The following DENR variants were observed in gnomAD, a reference collection of about 807,000 sequenced individuals.
The protein encoded by DENR is density-regulated protein.
Under a neutral mutation model 30.6 loss-of-function variants are expected in DENR, and 6 were observed. That is an observed-to-expected ratio of 0.20 (90% CI 0.11 to 0.39). DENR has a LOEUF of 0.39. Ranked by LOEUF, DENR falls within the 10% of genes least tolerant of loss-of-function variation. DENR has a pLI of 1.00. For synonymous variants in DENR, 78 were observed against 72.1 expected (o/e 1.08, Z -0.41); for missense variants, 141 against 230.9 (o/e 0.61, Z 2.52).
chr12:122,766,696 C>T (rs1032452485), intron 5 of DENR, among the ~76,000 whole-genome samples: 5 of 152,168 alleles, frequency 3.3e-5, no homozygotes, highest in African/African-American at 1.2e-4. Flanking sequence ...CCCTGAGAAC[C>T]ATCTTACATT....
At chr12:122,761,614 G>A (rs1227615798) in intron 2 of DENR, among the ~76,000 whole-genome samples, 1 of 152,198 alleles carries the variant, frequency 6.6e-6, no homozygotes, top group African/African-American at 2.4e-5. Context: ...AAGCCCAGAA[G>A]TTTGAGACTA....
intron 5 of DENR, among the ~76,000 whole-genome samples, chr12:122,767,269 G>A (rs1462776277): frequency 6.6e-6 from 1 of 152,312 alleles, no homozygotes; most frequent in Non-Finnish European, 1.5e-5. Context: ...GGAGGGCAGG[G>A]GCTATGTTCT....
At chr12:122,768,973 G>C (rs1236481108) in intron 7 of DENR, 52 bp downstream of exon 7, 12 of 1,605,034 alleles carry the variant, frequency 7.5e-6, no homozygotes, top group Non-Finnish European at 1.0e-5. Context: ...AAAGCAAATT[G>C]CTTCCATTTT....
rs1879020961 is a variant in DENR at position 122,770,931 on chromosome 12, C to G, written c.*1853C>G. Reference sequence around the variant, plus strand: ...TTGCTGCTGAAAGATGTCTGTGTGCCTGTATCAACATGTGACTTCATGTAA... The same window carrying G: ...TTGCTGCTGAAAGATGTCTGTGTGCGTGTATCAACATGTGACTTCATGTAA... On this transcript the variant is annotated 3_prime_UTR_variant, in exon 8 of 8. Transcript: ENST00000280557. 5.1e-6 allele frequency: 2 copies of G among 391,674 alleles called. No homozygotes were observed. The highest frequency in any genetic ancestry group is 7.2e-5 in the East Asian group (2 of 27,674). The allele number at this position is 391,674 out of a possible 1,614,324, so 24.3% of individuals were successfully genotyped here. A position where few individuals can be genotyped will look rare whatever the true frequency, so the allele number is the denominator to read the frequency against.
intron 2 of DENR, among the ~76,000 whole-genome samples, chr12:122,760,899 ATGT>A (rs1878681442): frequency 6.6e-6 from 1 of 152,166 alleles, no homozygotes; most frequent in African/African-American, 2.4e-5. Context: ...TCATGATCTT[ATGT>A]AGCATAACAT....
At chr12:122,765,274 C>T (rs2135511991) in intron 4 of DENR, 30 bp from the exon 5 acceptor site, 2 of 1,520,222 alleles carry the variant, frequency 1.3e-6, no homozygotes, top group Non-Finnish European at 1.8e-6. Flanking sequence ...AGATGATGTT[C>T]ATGCTTTTGT....
rs766587962 is a variant in DENR at position 122,769,125 on chromosome 12, T to C, written c.*47T>C. The C allele has an allele frequency of 5.7e-6, 9 of 1,574,796 alleles. 1 individual carries two copies. In the South Asian group the frequency reaches 6.0e-5, roughly 10 times the overall value. ...TAATGGCCTGAACTGAGAGTTGATATGGCCAAAGGGAGAGAGGCCTTTTAA... is the reference window on the plus strand; with the variant it reads ...TAATGGCCTGAACTGAGAGTTGATACGGCCAAAGGGAGAGAGGCCTTTTAA... On this transcript the variant is annotated 3_prime_UTR_variant, in exon 8 of 8. Transcript: ENST00000280557.
rs577445234 is a variant in DENR at position 122,768,471 on chromosome 12, C to T, written c.413-311C>T. Among the ~76,000 whole-genome samples the T allele has an allele frequency of 8.6e-5, 13 of 151,644 alleles. No individual in the cohort carries two copies. The South Asian group carries it at 2.7e-3, about 31-fold the overall frequency. ...CAAGATCGAGCCACTGCACTCCAGT[C>T]TGGGCAACAGAGCAAGACTCCGTCT... On this transcript the variant is annotated intron_variant, in intron 6 of 7. Coordinates refer to ENST00000280557, the MANE Select transcript of DENR (RefSeq NM_003677.5).
At chr12:122,758,728 C>G (rs1878615183) in intron 2 of DENR, among the ~76,000 whole-genome samples, 1 of 152,010 alleles carries the variant, frequency 6.6e-6, no homozygotes, top group Non-Finnish European at 1.5e-5. Flanking sequence ...ACACTTAAGC[C>G]CAGGAGTTCA....
chr12:122,764,494 G>A lies in DENR; in HGVS notation c.212-810G>A, dbSNP rs1593763172. On this transcript the variant is annotated intron_variant, in intron 4 of 7. Coordinates refer to ENST00000280557, the MANE Select transcript of DENR (RefSeq NM_003677.5). Reference sequence around the variant, plus strand: ...GGCGCCTGTAGTCCCAGCTACTTTGGGAGGCTGAGGCAGGAGAATGGCGTG... The same window carrying A: ...GGCGCCTGTAGTCCCAGCTACTTTGAGAGGCTGAGGCAGGAGAATGGCGTG... Among the ~76,000 whole-genome samples, 5 of 152,280 alleles carry A rather than the reference G, an allele frequency of 3.3e-5. No individual in the cohort carries two copies. In the East Asian group the frequency reaches 7.7e-4, roughly 23 times the overall value.
intron 5 of DENR, among the ~76,000 whole-genome samples, chr12:122,766,468 A>G (rs917783048): frequency 6.6e-6 from 1 of 152,172 alleles, no homozygotes; most frequent in Non-Finnish European, 1.5e-5. Flanking sequence ...TCACATCCCT[A>G]ACTTCTGCTG....
intron 4 of DENR, among the ~76,000 whole-genome samples, chr12:122,764,805 C>T (rs1878804736): frequency 6.6e-6 from 1 of 152,190 alleles, no homozygotes; most frequent in Non-Finnish European, 1.5e-5. Flanking sequence ...CAAGTGATTT[C>T]CCTGACACAC....
chr12:122,766,987 T>C (rs180837402), intron 5 of DENR, among the ~76,000 whole-genome samples: 1 of 152,318 alleles, frequency 6.6e-6, no homozygotes, highest in Admixed American at 6.5e-5. Context: ...TTCCCAAATA[T>C]AACGCCTTTT....
At chr12:122,759,349 G>T (rs1421483450) in intron 2 of DENR, among the ~76,000 whole-genome samples, 2 of 152,166 alleles carry the variant, frequency 1.3e-5, no homozygotes, top group African/African-American at 4.8e-5. Flanking sequence ...TCTGTAAAGA[G>T]AAATTGACTT....
chr12:122,764,471 C>T (rs899884078), intron 4 of DENR, among the ~76,000 whole-genome samples: 1 of 151,980 alleles, frequency 6.6e-6, no homozygotes, highest in Non-Finnish European at 1.5e-5. Flanking sequence ...AGGTGGCGGG[C>T]GCCTGTAGTC....
At chr12:122,763,850 A>T (rs1343648255) in intron 4 of DENR, among the ~76,000 whole-genome samples, 1 of 152,244 alleles carries the variant, frequency 6.6e-6, no homozygotes, top group African/African-American at 2.4e-5. Flanking sequence ...CATTCTAGAA[A>T]GGGAGACAGA....
At position 122,770,905 on chromosome 12, in the gene DENR, G is replaced by A; in HGVS notation, c.*1827G>A. 1 of 394,254 alleles carries A rather than the reference G, an allele frequency of 2.5e-6. No homozygotes were observed. Among genetic ancestry groups the A allele is most frequent in the Non-Finnish European group, 4.5e-6 (1 of 224,030 alleles). 24.4% of individuals were successfully genotyped at this position (394,254 alleles called of 1,614,324 possible). The stretch of plus-strand genomic sequence containing the variant: ...CTGGTATGCGTTATGTATGTAGTCT[G>A]TTGCTGCTGAAAGATGTCTGTGTGC... On this transcript the variant is annotated 3_prime_UTR_variant, in exon 8 of 8. Coordinates refer to ENST00000280557, the MANE Select transcript of DENR (RefSeq NM_003677.5).
Position 122,762,890 on chromosome 12 carries a change from GAGA to G in DENR, c.177_179del (p.Lys59del). On this transcript the variant is annotated inframe_deletion, in exon 4 of 8. Coordinates refer to ENST00000280557, the MANE Select transcript of DENR (RefSeq NM_003677.5). ...TGTTGCTAAATGTAGACAATGGTTA[GAGA>G]AGAATTTTCCAAATGAATTTGCAAA... 6.5e-7 allele frequency: 1 copy of G among 1,549,948 alleles called. No homozygotes were observed. The highest frequency in any genetic ancestry group is 8.7e-7 in the Non-Finnish European group (1 of 1,146,554).
At position 122,769,589 on chromosome 12, in the gene DENR, C is replaced by A. The variant is rs1315495376; in HGVS notation, c.*511C>A. The A allele has an allele frequency of 1.8e-6, 1 of 570,446 alleles. No homozygotes were observed. Among genetic ancestry groups the A allele is most frequent in the South Asian group, 4.4e-5 (1 of 22,504 alleles). 35.3% of individuals were successfully genotyped at this position (570,446 alleles called of 1,614,324 possible). A position where few individuals can be genotyped will look rare whatever the true frequency, so the allele number is the denominator to read the frequency against. ...TGGTGCGATCTCGGCTCACTGCAACCTCCGCCTCCCGGGTTCAAGTGATTC... is the reference window on the plus strand; with the variant it reads ...TGGTGCGATCTCGGCTCACTGCAACATCCGCCTCCCGGGTTCAAGTGATTC... On this transcript the variant is annotated 3_prime_UTR_variant, in exon 8 of 8. Transcript: ENST00000280557.
Sources: gnomAD v4.1 joint callset for allele counts (sites outside exome capture counted in the v4.1 genomes callset) on GRCh38, gnomAD v4.1.1 for gene constraint, MANE v1.5 for transcripts, NCBI Gene and HGNC (gene_info 2026-07-23, HGNC 2026-07-21) for gene names.